Variants in PNKD observed in about 807,000 individuals in gnomAD.
PNKD encodes the protein probable thioesterase PNKD.
In PNKD, 36 loss-of-function variants were observed where a neutral mutation model predicts 45.3. That is an observed-to-expected ratio of 0.80 (90% CI 0.61 to 1.05). The LOEUF is 1.05. Ranked by LOEUF, PNKD falls within the 50% of genes least tolerant of loss-of-function variation. The pLI is 0.00. For synonymous variants in PNKD, 197 were observed against 210.1 expected, an observed-to-expected ratio of 0.94 and a Z score of 0.54; for missense variants, 511 against 506.6, an observed-to-expected ratio of 1.01 and a Z score of -0.08.
At position 218,341,575 on chromosome 2, in the gene PNKD, G is replaced by C. The variant is rs199987826; in HGVS notation, c.566G>C (p.Arg189Pro). Residue 189 changes from arginine (R) to proline (P), a missense_variant, in exon 6 of 10, where the codon CGG (arginine) becomes CCG (proline). By Grantham distance (103) the Arg-to-Pro change is moderately radical. Coordinates refer to ENST00000273077, the MANE Select transcript of PNKD (RefSeq NM_015488.5). ...GGNRDLSRRH[R>P]DCRVYGSPQD... ...AACCGTGACCTCAGCCGGCGGCACC[G>C]GGACTGTCGGGTGTACGGGAGCCCT... is the stretch of plus-strand genomic sequence containing the variant. 4 of 1,599,640 alleles carry C rather than the reference G, an allele frequency of 2.5e-6. No homozygotes were observed. In the East Asian group the frequency reaches 6.8e-5, roughly 27 times the overall value.
intron 2 of PNKD, among the ~76,000 whole-genome samples, chr2:218,315,458 A>G (rs1035498789): frequency 2.6e-5 from 4 of 152,146 alleles, no homozygotes; most frequent in African/African-American, 4.8e-5. Context: ...CGCCCGGCCA[A>G]GGATTTAAAT....
In PNKD at chr2:218,271,460, C is replaced by T; in HGVS notation, c.147C>T (p.Gly49=). ...RALQSHSSPE[G]KEEPEPLSPE... is the part of the protein sequence containing the mutation. ...TGCAAAGCCACAGCTCCCCAGAGGG[C>T]AAGGAGGAACCTGAACCCCTATCCC... Residue 49 remains glycine (G), a synonymous_variant, in exon 2 of 10, where the codon GGC becomes GGT. Transcript: ENST00000273077. 1 of 1,614,020 alleles carries T rather than the reference C, an allele frequency of 6.2e-7. No homozygotes were observed. Among genetic ancestry groups the T allele is most frequent in the Non-Finnish European group, 8.5e-7 (1 of 1,179,882 alleles).
chr2:218,285,044 C>T (rs765785829), intron 2 of PNKD, among the ~76,000 whole-genome samples: 4 of 152,186 alleles, frequency 2.6e-5, no homozygotes, highest in African/African-American at 7.2e-5. Flanking sequence ...GAGCCACAAT[C>T]GTGCCACTGC....
intron 2 of PNKD, chr2:218,277,739 C>T (rs1470168508): frequency 1.2e-5 from 19 of 1,597,784 alleles, no homozygotes; most frequent in Non-Finnish European, 1.5e-5. Flanking sequence ...GGGGGAGTGG[C>T]CATGGTGGCC....
intron 2 of PNKD, among the ~76,000 whole-genome samples, chr2:218,328,599 G>A (rs1361605994): frequency 6.6e-6 from 1 of 152,160 alleles, no homozygotes; most frequent in African/African-American, 2.4e-5. Context: ...TAATTCCTAA[G>A]TATGACTGGG....
chr2:218,271,713 G>A (rs1432755689), intron 2 of PNKD, among the ~76,000 whole-genome samples, 164 bp downstream of exon 2: 2 of 152,174 alleles, frequency 1.3e-5, no homozygotes, highest in Non-Finnish European at 2.9e-5. Flanking sequence ...AGTGGAGGTG[G>A]GAAAGTATGT....
At chr2:218,301,553 C>T (rs1693271996) in intron 2 of PNKD, among the ~76,000 whole-genome samples, 1 of 152,142 alleles carries the variant, frequency 6.6e-6, no homozygotes, top group African/African-American at 2.4e-5. Context: ...TAGCCAGGCC[C>T]AGGCAGAAGC....
rs557359504 is a variant in PNKD, at chr2:218,326,423, C to T, written c.237-13360C>T. 1.7e-4 allele frequency among the ~76,000 whole-genome samples: 26 copies of T among 152,144 alleles called. No individual in the cohort carries two copies. Among genetic ancestry groups the T allele is most frequent in the Admixed American group, 1.4e-3 (22 of 15,274 alleles). The stretch of plus-strand genomic sequence containing the variant: ...TAGCAAAGCACACAGCATGTGGGGT[C>T]GAACAAATCTGCTTTTGCATCCTAG... On this transcript the variant is annotated intron_variant, in intron 2 of 9. Transcript: ENST00000273077. This position sits in a 1 kb window ranked among gnomAD's most constrained non-coding sequence, Gnocchi z 4.1.
In PNKD at chr2:218,318,412, C is replaced by A. The variant is rs931295006; in HGVS notation, c.237-21371C>A. 7.9e-5 allele frequency among the ~76,000 whole-genome samples: 12 copies of A among 152,328 alleles called. No individual in the cohort carries two copies. The South Asian group carries it at 1.4e-3, about 18-fold the overall frequency. ...TTTAGCCATGGTTCTCCTGCAGCTTCCTCTGATATTATGAAGCGCCTGCCG... is the reference window on the plus strand; with the variant it reads ...TTTAGCCATGGTTCTCCTGCAGCTTACTCTGATATTATGAAGCGCCTGCCG... On this transcript the variant is annotated intron_variant, in intron 2 of 9. Transcript: ENST00000273077.
intron 2 of PNKD, among the ~76,000 whole-genome samples, chr2:218,339,012 G>A (rs1372114811): frequency 6.6e-6 from 1 of 151,266 alleles, no homozygotes; most frequent in Admixed American, 6.6e-5. Context: ...GCCCAGGCTG[G>A]TCTCGAACTC....
At chr2:218,339,751 G>A in intron 2 of PNKD, 32 bp from the exon 3 acceptor site, 1 of 1,376,636 alleles carries the variant, frequency 7.3e-7, no homozygotes, top group South Asian at 1.2e-5. Context: ...AGGGAGAAAA[G>A]GCTAATCATA....
At position 218,299,523 on chromosome 2, in the gene PNKD, C is replaced by T. The variant is rs192032890; in HGVS notation, c.236+27974C>T. 3.9e-4 allele frequency among the ~76,000 whole-genome samples: 60 copies of T among 152,344 alleles called. 2 individuals are homozygous for T. The South Asian group carries it at 6.8e-3, about 17-fold the overall frequency. On this transcript the variant is annotated intron_variant, in intron 2 of 9. Coordinates refer to ENST00000273077, the MANE Select transcript of PNKD (RefSeq NM_015488.5). Reference sequence around the variant, plus strand: ...GCAGCGAAGCAGTCATGGCTCTCTGCAGCCTCAGCCCCCTGGGCTCAAGCC... The same window carrying T: ...GCAGCGAAGCAGTCATGGCTCTCTGTAGCCTCAGCCCCCTGGGCTCAAGCC...
In PNKD at chr2:218,341,951, C is replaced by T. The variant is rs1694689761; in HGVS notation, c.618-30C>T. ...GGATCAGCATGGCACAGATCCAATA[C>T]CTTCTGTCCCCTGCTCCCTTGTTCC... is the stretch of plus-strand genomic sequence containing the variant. On this transcript the variant is annotated intron_variant, in intron 6 of 9. Coordinates refer to ENST00000273077, the MANE Select transcript of PNKD (RefSeq NM_015488.5). 2.5e-6 allele frequency: 4 copies of T among 1,577,256 alleles called. No individual in the cohort carries two copies. The East Asian group carries it at 6.7e-5, about 26-fold the overall frequency.
chr2:218,297,599 C>T (rs562420131), intron 2 of PNKD, among the ~76,000 whole-genome samples: 80 of 143,786 alleles, frequency 5.6e-4, no homozygotes, highest in South Asian at 2.7e-3. Flanking sequence ...GCAGGAGAAT[C>T]GCTTGAACCT....
intron 2 of PNKD, among the ~76,000 whole-genome samples, chr2:218,283,047 T>C (rs961831954): frequency 3.9e-5 from 6 of 152,182 alleles, no homozygotes; most frequent in African/African-American, 1.4e-4. Flanking sequence ...CCAGGCTCTC[T>C]GTGAGTTCTA....
intron 2 of PNKD, chr2:218,272,824 G>T: frequency 1.9e-6 from 3 of 1,612,300 alleles, no homozygotes; most frequent in Non-Finnish European, 2.5e-6. Flanking sequence ...CCAGATTCCA[G>T]TTCGTGCCTC....
chr2:218,324,965 A>AAG (rs202164705), intron 2 of PNKD, among the ~76,000 whole-genome samples: 5,468 of 147,692 alleles, frequency 0.037, 452 homozygotes, highest in African/African-American at 0.14. Flanking sequence ...AAGAAAAAAA[A>AAG]ATCCCAAACA....
In PNKD at chr2:218,328,774, C is replaced by T. The variant is rs115730107; in HGVS notation, c.237-11009C>T. ...TGCCCTTTTCTCCATGAAGCCTGCC[C>T]GGCCTCCTCAGTCAAAATGAACCTC... On this transcript the variant is annotated intron_variant, in intron 2 of 9. Transcript: ENST00000273077. Among the ~76,000 whole-genome samples the T allele has an allele frequency of 8.9e-3, 1,350 of 152,322 alleles. 33 individuals carry two copies. The highest frequency in any genetic ancestry group is 0.03 in the African/African-American group (1,266 of 41,576).
At chr2:218,304,941 C>T (rs1337384803) in intron 2 of PNKD, among the ~76,000 whole-genome samples, 1 of 151,976 alleles carries the variant, frequency 6.6e-6, no homozygotes, top group Non-Finnish European at 1.5e-5. Context: ...GGCGTGGTGG[C>T]GGGCACCTGT....
Sources: gnomAD v4.1 joint callset for allele counts (sites outside exome capture counted in the v4.1 genomes callset) on GRCh38, gnomAD v4.1.1 for gene constraint, Gnocchi (gnomAD v3.1) non-coding constraint, MANE v1.5 for transcripts, NCBI Gene and HGNC (gene_info 2026-07-23, HGNC 2026-07-21) for gene names.